Variants in PRKCH observed in about 807,000 individuals in gnomAD.
The protein encoded by PRKCH is protein kinase C eta, also known as protein kinase C eta type.
A neutral mutation model predicts 82.5 loss-of-function variants in PRKCH; 28 were observed. The observed-to-expected ratio is 0.34, with a 90% CI of 0.25 to 0.47. The LOEUF is 0.47. PRKCH is among the 20% of genes least tolerant of loss of function. The pLI is 1.00. For missense variants in PRKCH, 705 were observed against 881.8 expected, an observed-to-expected ratio of 0.80 and a Z score of 2.54; for synonymous variants, 322 against 327.4, an observed-to-expected ratio of 0.98 and a Z score of 0.18.
intron 2 of PRKCH, among the ~76,000 whole-genome samples, chr14:61,407,419 C>T (rs1402056936): frequency 6.6e-6 from 1 of 152,162 alleles, no homozygotes; most frequent in Admixed American, 6.5e-5. Context: ...TAACCTAGGA[C>T]TTCAGAAAGA....
At chr14:61,307,975 C>A (rs1440145148) in intron 1 of PRKCH, among the ~76,000 whole-genome samples, 1 of 152,138 alleles carries the variant, frequency 6.6e-6, no homozygotes, top group Non-Finnish European at 1.5e-5. Flanking sequence ...CAGTCAGAAC[C>A]ACAGGCACAC....
At chr14:61,250,838 TG>T (rs1451843632) in intron 1 of PRKCH, among the ~76,000 whole-genome samples, 1 of 152,100 alleles carries the variant, frequency 6.6e-6, no homozygotes, top group African/African-American at 2.4e-5. Context: ...AAGAAGTAGA[TG>T]GGAACTCTCT....
chr14:61,491,157 C>T (rs2140338181), intron 10 of PRKCH, among the ~76,000 whole-genome samples: 1 of 152,276 alleles, frequency 6.6e-6, no homozygotes, highest in Non-Finnish European at 1.5e-5. Context: ...CTTACTGTCA[C>T]CTCACCTCTA....
At chr14:61,428,963 A>G (rs1883262560) in intron 2 of PRKCH, among the ~76,000 whole-genome samples, 1 of 152,222 alleles carries the variant, frequency 6.6e-6, no homozygotes, top group African/African-American at 2.4e-5. Flanking sequence ...GATGGTTTAA[A>G]GAATTCTGCA....
chr14:61,391,397 T>TA (rs2046679826), intron 2 of PRKCH, 109 bp downstream of exon 2: 4 of 961,962 alleles, frequency 4.2e-6, no homozygotes, highest in Admixed American at 3.1e-5. Flanking sequence ...AAGAGATGCT[T>TA]AAAAAATCAC....
At chr14:61,241,483 C>T (rs923774635) in intron 1 of PRKCH, among the ~76,000 whole-genome samples, 1 of 152,246 alleles carries the variant, frequency 6.6e-6, no homozygotes, top group African/African-American at 2.4e-5. Flanking sequence ...TTCCTGTGAT[C>T]ATCCCCCATC....
At chr14:61,347,170 ACT>A (rs2046005471) in intron 1 of PRKCH, among the ~76,000 whole-genome samples, 1 of 152,134 alleles carries the variant, frequency 6.6e-6, no homozygotes, top group Non-Finnish European at 1.5e-5. Context: ...GACTGTCATA[ACT>A]CTGCTTATTT....
intron 9 of PRKCH, among the ~76,000 whole-genome samples, chr14:61,461,080 G>A (rs575684950): frequency 3.3e-5 from 5 of 152,230 alleles, no homozygotes; most frequent in South Asian, 2.1e-4. Flanking sequence ...GCTCCCCTGC[G>A]CGCCTCTCCC....
At chr14:61,310,831 ATCT>A (rs2140109855) in intron 1 of PRKCH, among the ~76,000 whole-genome samples, 1 of 152,322 alleles carries the variant, frequency 6.6e-6, no homozygotes, top group African/African-American at 2.4e-5. Flanking sequence ...ATTTCCATAC[ATCT>A]TCTGAAATCT....
chr14:61,335,006 T>C (rs1048852577), intron 1 of PRKCH, among the ~76,000 whole-genome samples: 3 of 152,070 alleles, frequency 2.0e-5, no homozygotes, highest in Admixed American at 2.0e-4. Context: ...GCCTGGTTGC[T>C]TTTTTTATTT....
intron 10 of PRKCH, among the ~76,000 whole-genome samples, chr14:61,504,392 A>G (rs1430129078): frequency 6.6e-6 from 1 of 151,932 alleles, no homozygotes; most frequent in Non-Finnish European, 1.5e-5. Flanking sequence ...GTCTCACTAT[A>G]TTGGCCAGGC....
At position 61,365,529 on chromosome 14, in the gene PRKCH, A is replaced by T. The variant is rs947301921; in HGVS notation, c.364-25696A>T. Among the ~76,000 whole-genome samples, 41 of 152,150 alleles carry T rather than the reference A, an allele frequency of 2.7e-4. 1 individual carries two copies. The Middle Eastern group carries it at 0.02, about 76-fold the overall frequency. On this transcript the variant is annotated intron_variant, in intron 1 of 13. Coordinates refer to ENST00000332981, the MANE Select transcript of PRKCH (RefSeq NM_006255.5). ...TTTCACGTATTTCACTGGGTAAGAG[A>T]ATGGATTATTAGCAAGAACTTAAAT...
intron 2 of PRKCH, among the ~76,000 whole-genome samples, chr14:61,414,865 C>A (rs939952593): frequency 1.3e-5 from 2 of 152,084 alleles, no homozygotes; most frequent in African/African-American, 4.8e-5. Context: ...AAAAGCATTC[C>A]CCCTCTGCCA....
chr14:61,355,309 G>C (rs1352930492), intron 1 of PRKCH, among the ~76,000 whole-genome samples: 1 of 151,200 alleles, frequency 6.6e-6, no homozygotes, highest in East Asian at 1.9e-4. Context: ...ACTTCTTTTT[G>C]ACATGTTGGT....
intron 1 of PRKCH, among the ~76,000 whole-genome samples, chr14:61,225,302 A>G (rs755155921): frequency 3.3e-5 from 5 of 152,220 alleles, no homozygotes; most frequent in African/African-American, 9.6e-5. Context: ...ACCTATTTCT[A>G]TGTTATCACG....
chr14:61,547,803 A>G lies in PRKCH; in HGVS notation c.1822A>G (p.Ile608Val), dbSNP rs774584017. 5 of 1,614,082 alleles carry G rather than the reference A, an allele frequency of 3.1e-6. No homozygotes were observed. In the Admixed American group the frequency reaches 5.0e-5, roughly 16 times the overall value. The change falls in exon 13 of 14, where the codon ATC (isoleucine) becomes GTC (valine). Residue 608 changes from isoleucine to valine, a missense_variant. This residue lies in a region of PRKCH where 115 missense variants were observed against 193.8 expected (regional missense o/e 0.59). Coordinates refer to ENST00000332981, the MANE Select transcript of PRKCH (RefSeq NM_006255.5). ...CCTGACTCAGGGAGGCGAGCACGCC[A>G]TCTTGAGACATCCTTTTTTTAAGGA... ...GSLTQGGEHA[I>V]LRHPFFKEID...
At chr14:61,547,580 G>T (rs927251760) in intron 12 of PRKCH, among the ~76,000 whole-genome samples, 163 bp from the exon 13 acceptor site, 1 of 152,228 alleles carries the variant, frequency 6.6e-6, no homozygotes, top group African/African-American at 2.4e-5. Context: ...TTTAAGGCAT[G>T]ATTCATACTG....
At chr14:61,342,882 G>C (rs1006505013) in intron 1 of PRKCH, among the ~76,000 whole-genome samples, 5 of 152,140 alleles carry the variant, frequency 3.3e-5, no homozygotes. Flanking sequence ...CTCTCTACCG[G>C]CTAACATTAG....
intron 10 of PRKCH, among the ~76,000 whole-genome samples, chr14:61,526,019 C>T (rs1361937371): frequency 1.3e-5 from 2 of 152,180 alleles, no homozygotes; most frequent in Non-Finnish European, 2.9e-5. Flanking sequence ...TAGTGCCTCC[C>T]AAGTCAGAAA....
Sources: gnomAD v4.1 joint callset for allele counts (sites outside exome capture counted in the v4.1 genomes callset) on GRCh38, gnomAD v4.1.1 for gene constraint, gnomAD v4.1.1 regional missense constraint, MANE v1.5 for transcripts, NCBI Gene and HGNC (gene_info 2026-07-23, HGNC 2026-07-21) for gene names.